The following POT1 variants were observed in gnomAD, a reference collection of about 807,000 sequenced individuals.
POT1 encodes protection of telomeres protein 1.
A neutral mutation model predicts 78.5 loss-of-function variants in POT1; 47 were observed. The ratio of observed to expected loss-of-function variants is 0.60; its 90% CI spans 0.47 to 0.76. The LOEUF (loss-of-function observed/expected upper bound fraction) is 0.76. POT1 is among the 30% of genes least tolerant of loss of function. POT1 has a pLI of 0.00. For synonymous variants in POT1, 259 were observed against 260.7 expected (o/e 0.99, Z 0.06); for missense variants, 646 against 749.9 (o/e 0.86, Z 1.62).
At chr7:124,910,048 T>G (rs998291975) in intron 3 of POT1, among the ~76,000 whole-genome samples, 2 of 151,782 alleles carry the variant, frequency 1.3e-5, no homozygotes, top group African/African-American at 4.8e-5. Flanking sequence ...GGCTTATCCA[T>G]GCCCACAGAC....
At chr7:124,851,779 GAGAGACAA>G (rs1267433625) in intron 11 of POT1, 85 bp downstream of exon 11, 1 of 903,058 alleles carries the variant, frequency 1.1e-6, no homozygotes, top group Admixed American at 2.1e-5. Context: ...TTATTAATAA[GAGAGACAA>G]AGAGAAGACA....
chr7:124,840,921 GA>G (rs2116460731), intron 14 of POT1, 51 bp downstream of exon 14: 2 of 1,392,434 alleles, frequency 1.4e-6, no homozygotes, highest in Non-Finnish European at 1.0e-6. Context: ...AATTAATTAG[GA>G]AAAATATGCA....
intron 3 of POT1, among the ~76,000 whole-genome samples, chr7:124,912,130 T>C (rs1340579993): frequency 6.6e-6 from 1 of 152,058 alleles, no homozygotes; most frequent in East Asian, 1.9e-4. Flanking sequence ...GTAATGACAA[T>C]AATAATAGTT....
intron 3 of POT1, among the ~76,000 whole-genome samples, chr7:124,912,741 T>C (rs1796920664): frequency 6.6e-6 from 1 of 152,148 alleles, no homozygotes; most frequent in Non-Finnish European, 1.5e-5. Context: ...AATTCTCCTA[T>C]TTCCTTCAGG....
chr7:124,866,287 C>T (rs6953168), intron 7 of POT1, among the ~76,000 whole-genome samples: 91,347 of 151,960 alleles, frequency 0.6, 27,581 homozygotes, highest in African/African-American at 0.65. Flanking sequence ...TGTGGTCCTT[C>T]GTGAGGTGAG....
chr7:124,904,261 T>C (rs1454071117), intron 3 of POT1, among the ~76,000 whole-genome samples: 1 of 151,992 alleles, frequency 6.6e-6, no homozygotes, highest in East Asian at 1.9e-4. Flanking sequence ...AGTGTGAAAA[T>C]CCTCAATAAA....
intron 8 of POT1, among the ~76,000 whole-genome samples, chr7:124,861,717 T>C (rs1258960023): frequency 6.6e-6 from 1 of 152,216 alleles, no homozygotes; most frequent in African/African-American, 2.4e-5. Context: ...GGTTTTCTTC[T>C]AGGGTTTTTA....
chr7:124,833,058 T>A (rs1394829148), intron 15 of POT1, among the ~76,000 whole-genome samples: 1 of 152,110 alleles, frequency 6.6e-6, no homozygotes, highest in Non-Finnish European at 1.5e-5. Context: ...CAAGAAAAAC[T>A]GAATTTTATG....
chr7:124,862,891 T>C (rs1421395590), intron 8 of POT1, among the ~76,000 whole-genome samples: 1 of 152,054 alleles, frequency 6.6e-6, no homozygotes, highest in East Asian at 1.9e-4. Flanking sequence ...AACACAGTAA[T>C]GCAAAATGCT....
At position 124,851,867 on chromosome 7, in the gene POT1, CT is replaced by C. The variant is rs1795315123; in HGVS notation, c.949+4del. 6.3e-7 allele frequency: 1 copy of C among 1,587,444 alleles called. No homozygotes were observed. Among genetic ancestry groups the C allele is most frequent in the Non-Finnish European group, 8.6e-7 (1 of 1,156,270 alleles). ...TAAACTGTCAATGTTAAAGATTATCCTTACTTGGAAAGCTGTCGTCAGGTTC... is the reference window on the plus strand; with the variant it reads ...TAAACTGTCAATGTTAAAGATTATCCTACTTGGAAAGCTGTCGTCAGGTTC... On this transcript the variant is annotated splice_donor_region_variant and intron_variant, in intron 11 of 18. Coordinates refer to ENST00000357628, the MANE Select transcript of POT1 (RefSeq NM_015450.3).
intron 13 of POT1, 59 bp downstream of exon 13, chr7:124,842,748 T>A: frequency 2.2e-6 from 3 of 1,377,298 alleles, no homozygotes; most frequent in Non-Finnish European, 3.0e-6. Flanking sequence ...ATTATACATA[T>A]GTGTACATAT....
chr7:124,924,938 AACTAG>A (rs1310495538), intron 2 of POT1, among the ~76,000 whole-genome samples: 2 of 152,082 alleles, frequency 1.3e-5, no homozygotes, highest in Admixed American at 6.6e-5. Flanking sequence ...ATCCTCAACA[AACTAG>A]ATAGAGAAGG....
At chr7:124,876,589 T>C (rs1795995644) in intron 6 of POT1, among the ~76,000 whole-genome samples, 1 of 152,212 alleles carries the variant, frequency 6.6e-6, no homozygotes, top group Non-Finnish European at 1.5e-5. Flanking sequence ...AATGAGGTTA[T>C]ATCCTCACTT....
intron 3 of POT1, among the ~76,000 whole-genome samples, chr7:124,899,189 G>A (rs951188961): frequency 2.6e-5 from 4 of 152,088 alleles, no homozygotes; most frequent in African/African-American, 9.7e-5. Context: ...TTTAATAATT[G>A]GACTGAGAGC....
At chr7:124,839,997 A>ATT (rs35228372) in intron 14 of POT1, among the ~76,000 whole-genome samples, 145 of 145,146 alleles carry the variant, frequency 1.0e-3, no homozygotes, top group Admixed American at 2.5e-3. Context: ...TTAAGACTTC[A>ATT]TTTTTTTTTT....
At chr7:124,925,582 T>C (rs960621643) in intron 2 of POT1, among the ~76,000 whole-genome samples, 5 of 152,098 alleles carry the variant, frequency 3.3e-5, no homozygotes. Context: ...CTGATGTCAT[T>C]CTTCACAGAA....
chr7:124,863,286 A>G, intron 8 of POT1, 64 bp downstream of exon 8: 2 of 1,462,410 alleles, frequency 1.4e-6, no homozygotes, highest in Admixed American at 2.1e-5. Context: ...ATGCTGAAAC[A>G]TAAGCTCTTT....
chr7:124,908,239 C>T lies in POT1; in HGVS notation c.-154+7335G>A, dbSNP rs534218862. ...GTACAGGCAGAAACCAAGGACCTGA[C>T]GGCGTTGATAGTGCAGTGATTGACA... On this transcript the variant is annotated intron_variant, in intron 3 of 18. Coordinates refer to ENST00000357628, the MANE Select transcript of POT1 (RefSeq NM_015450.3). 7.2e-5 allele frequency among the ~76,000 whole-genome samples: 11 copies of T among 152,074 alleles called. No individual in the cohort carries two copies. The East Asian group carries it at 9.6e-4, about 13-fold the overall frequency.
intron 2 of POT1, among the ~76,000 whole-genome samples, chr7:124,927,902 CT>C (rs1797313799): frequency 6.6e-6 from 1 of 152,144 alleles, no homozygotes; most frequent in Non-Finnish European, 1.5e-5. Flanking sequence ...ACTGATTCTG[CT>C]TCTTTATCCT....
Sources: allele counts gnomAD v4.1 joint callset (sites outside exome capture counted in the v4.1 genomes callset), GRCh38; gene constraint gnomAD v4.1.1; transcripts MANE v1.5; gene names NCBI Gene and HGNC (gene_info 2026-07-23, HGNC 2026-07-21).